The following IFT140 variants were observed in gnomAD, a reference collection of about 807,000 sequenced individuals.
The protein encoded by IFT140 is intraflagellar transport 140, also known as intraflagellar transport protein 140 homolog.
IFT140 carries 133 observed loss-of-function variants against 164.6 expected under a neutral mutation model. The ratio of observed to expected loss-of-function variants is 0.81; its 90% CI spans 0.70 to 0.93. IFT140 has a LOEUF of 0.93. Ranked by LOEUF, IFT140 falls within the 40% of genes least tolerant of loss-of-function variation. The pLI is 0.00. For missense variants in IFT140, 2,045 were observed against 1,972.3 expected (o/e 1.04, Z -0.70); for synonymous variants, 860 against 817.3 (o/e 1.05, Z -0.89).
intron 7 of IFT140, among the ~76,000 whole-genome samples, chr16:1,589,078 T>G (rs1262302592): frequency 6.6e-6 from 1 of 152,176 alleles, no homozygotes; most frequent in Non-Finnish European, 1.5e-5. Flanking sequence ...GAGGTCCCTG[T>G]GACTAGTGCC....
intron 30 of IFT140, among the ~76,000 whole-genome samples, chr16:1,512,633 T>C (rs2040206731): frequency 6.6e-6 from 1 of 152,194 alleles, no homozygotes; most frequent in South Asian, 2.1e-4. Flanking sequence ...TACGGAAAAC[T>C]ATAGTTCTCC....
In IFT140 at chr16:1,534,448, G is replaced by T; in HGVS notation, c.2400-7652C>A. The T allele has an allele frequency of 6.2e-7, 1 of 1,611,652 alleles. No homozygotes were observed. The highest frequency in any genetic ancestry group is 8.5e-7 in the Non-Finnish European group (1 of 1,179,734). On this transcript the variant is annotated intron_variant, in intron 19 of 30. Coordinates refer to ENST00000426508, the MANE Select transcript of IFT140 (RefSeq NM_014714.4). ...TGGCTGGTGGACAGGACCCGGGGAG[G>T]GCCGAGCCCTGGGGCCAGAGCCGGC...
chr16:1,605,195 G>A (rs2035996304), intron 3 of IFT140, among the ~76,000 whole-genome samples: 1 of 152,150 alleles, frequency 6.6e-6, no homozygotes, highest in African/African-American at 2.4e-5. Flanking sequence ...GCAAAGCCAT[G>A]GAGGCCGGGC....
intron 2 of IFT140, among the ~76,000 whole-genome samples, chr16:1,609,693 A>C (rs1356830813): frequency 1.3e-5 from 2 of 152,230 alleles, no homozygotes; most frequent in African/African-American, 4.8e-5. Flanking sequence ...CATTAATATA[A>C]TTGTTCATAG....
Position 1,531,629 on chromosome 16 carries a change from G to A in IFT140, c.2400-4833C>T, listed in dbSNP as rs910437195. 4 of 152,304 alleles carry A rather than the reference G, an allele frequency of 2.6e-5. No individual in the cohort carries two copies. The highest frequency in any genetic ancestry group is 5.9e-5 in the Non-Finnish European group (4 of 68,126). 9.4% of individuals were successfully genotyped at this position (152,304 alleles called of 1,614,324 possible). ...CCCCGAGAGCCACAGATCCTCCCAG[G>A]AGGGTCGCTCTTAACTTACATGCTG... On this transcript the variant is annotated intron_variant, in intron 19 of 30. Coordinates refer to ENST00000426508, the MANE Select transcript of IFT140 (RefSeq NM_014714.4). The surrounding 1 kb of genome is among the most constrained non-coding windows in gnomAD (Gnocchi z 4.7).
At chr16:1,516,329 C>A (rs1434215461) in intron 30 of IFT140, among the ~76,000 whole-genome samples, 2 of 152,000 alleles carry the variant, frequency 1.3e-5, no homozygotes, top group Non-Finnish European at 2.9e-5. Context: ...ACGACAAATA[C>A]AGGTGGGGAC....
rs762541440 is a variant in IFT140 at position 1,607,316 on chromosome 16, G to A, written c.-31-19C>T. Reference sequence around the variant, plus strand: ...CTGAAACCTGCAGGGAAAAAAAAATGACCAAGTCCAATCAGTTTTAAATAA... The same window carrying A: ...CTGAAACCTGCAGGGAAAAAAAAATAACCAAGTCCAATCAGTTTTAAATAA... On this transcript the variant is annotated intron_variant, in intron 2 of 30. Coordinates refer to ENST00000426508, the MANE Select transcript of IFT140 (RefSeq NM_014714.4). 1 of 1,560,586 alleles carries A rather than the reference G, an allele frequency of 6.4e-7. No homozygotes were observed. Among genetic ancestry groups the A allele is most frequent in the Non-Finnish European group, 8.7e-7 (1 of 1,149,686 alleles).
intron 19 of IFT140, chr16:1,554,654 C>T: frequency 7.2e-7 from 1 of 1,379,920 alleles, no homozygotes; most frequent in Non-Finnish European, 9.8e-7. Flanking sequence ...AGGCTGGAAC[C>T]CGCTCTAGGA....
rs1004829802 is a variant in IFT140, at chr16:1,538,123, C to T, written c.2400-11327G>A. Among the ~76,000 whole-genome samples, 4 of 152,194 alleles carry T rather than the reference C, an allele frequency of 2.6e-5. No individual in the cohort carries two copies. In the East Asian group the frequency reaches 7.7e-4, roughly 29 times the overall value. Reference sequence around the variant, plus strand: ...CTCCAAACAGCTTTCTTGGGGCAGGCGGGAGCGTGGCTCAGACAGGAAGGC... The same window carrying T: ...CTCCAAACAGCTTTCTTGGGGCAGGTGGGAGCGTGGCTCAGACAGGAAGGC... On this transcript the variant is annotated intron_variant, in intron 19 of 30. Transcript: ENST00000426508.
intron 19 of IFT140, among the ~76,000 whole-genome samples, chr16:1,535,354 G>A (rs2030959138): frequency 6.6e-6 from 1 of 152,194 alleles, no homozygotes; most frequent in Admixed American, 6.5e-5. Context: ...GGCGCTTACA[G>A]CCCATGGGGT....
At chr16:1,601,080 T>G (rs1380830425) in intron 4 of IFT140, among the ~76,000 whole-genome samples, 1 of 151,988 alleles carries the variant, frequency 6.6e-6, no homozygotes, top group Non-Finnish European at 1.5e-5. Flanking sequence ...CTGGCCCACA[T>G]GGTGAAACCC....
chr16:1,583,574 C>A (rs1223324079), intron 11 of IFT140, among the ~76,000 whole-genome samples, 188 bp from the exon 12 acceptor site: 5 of 151,620 alleles, frequency 3.3e-5, no homozygotes, highest in Admixed American at 3.3e-4. Flanking sequence ...TATAAGATAT[C>A]CATGGGTTTT....
At chr16:1,537,841 C>T (rs141085747) in intron 19 of IFT140, among the ~76,000 whole-genome samples, 2,036 of 152,330 alleles carry the variant, frequency 0.013, 31 homozygotes, top group South Asian at 0.044. Context: ...CCCCTCTCTC[C>T]GGTGGCTCCA....
In IFT140 at chr16:1,586,215, A is replaced by G; in HGVS notation, c.1070T>C (p.Phe357Ser). 6.2e-7 allele frequency: 1 copy of G among 1,613,940 alleles called. No homozygotes were observed. Residue 357 changes from phenylalanine to serine, a missense_variant, in exon 10 of 31, where the codon TTC (phenylalanine) becomes TCC (serine). Transcript: ENST00000426508. ...RVAMWRKVPD[F>S]LGSPGAEGKD... is the part of the protein sequence containing the mutation. ...GCCCTCTGCCCCGGGGCTGCCCAGGAAGTCTGGTACTTTCCTCCACATGGC... is the reference window on the plus strand; with the variant it reads ...GCCCTCTGCCCCGGGGCTGCCCAGGGAGTCTGGTACTTTCCTCCACATGGC...
intron 26 of IFT140, among the ~76,000 whole-genome samples, chr16:1,522,675 C>A (rs576189806): frequency 3.3e-5 from 5 of 152,116 alleles, no homozygotes; most frequent in African/African-American, 1.2e-4. Flanking sequence ...CCCATCTCTA[C>A]TAAAATACAA....
At chr16:1,598,326 C>T (rs928074774) in intron 4 of IFT140, among the ~76,000 whole-genome samples, 6 of 151,990 alleles carry the variant, frequency 3.9e-5, no homozygotes, top group South Asian at 2.1e-4. Flanking sequence ...GGCGTGGTGG[C>T]GGGCACCTGT....
At chr16:1,574,336 T>C (rs1420019746) in intron 13 of IFT140, among the ~76,000 whole-genome samples, 1 of 151,972 alleles carries the variant, frequency 6.6e-6, no homozygotes, top group Non-Finnish European at 1.5e-5. Flanking sequence ...TGGAGTGTAG[T>C]TGTACAACCA....
intron 13 of IFT140, chr16:1,580,441 G>C (rs112682377): frequency 4.2e-6 from 1 of 240,624 alleles, no homozygotes. Context: ...AAATCTGGCT[G>C]TTTAGAGTGT....
intron 19 of IFT140, among the ~76,000 whole-genome samples, chr16:1,557,061 C>A (rs913598547): frequency 5.9e-5 from 9 of 152,172 alleles, no homozygotes; most frequent in Non-Finnish European, 8.8e-5. Flanking sequence ...CTCAGGTGAT[C>A]CACCCACCTC....
Sources: allele counts gnomAD v4.1 joint callset (sites outside exome capture counted in the v4.1 genomes callset), GRCh38; gene constraint gnomAD v4.1.1; non-coding constraint Gnocchi (gnomAD v3.1); transcripts MANE v1.5; gene names NCBI Gene and HGNC (gene_info 2026-07-23, HGNC 2026-07-21).